TRIP4: variants seen among roughly 807,000 people sequenced by gnomAD.
TRIP4 encodes activating signal cointegrator 1.
In TRIP4, 54 loss-of-function variants were observed where a neutral mutation model predicts 81.8. The observed-to-expected ratio is 0.66, with a 90% confidence interval of 0.53 to 0.83. TRIP4 has a LOEUF of 0.83. Ranked by LOEUF, TRIP4 falls within the 40% of genes least tolerant of loss-of-function variation. TRIP4 has a pLI of 0.00. For missense variants in TRIP4, 662 were observed against 683.6 expected, an observed-to-expected ratio of 0.97 and a Z score of 0.35; for synonymous variants, 270 against 242.8, an observed-to-expected ratio of 1.11 and a Z score of -1.04.
At chr15:64,397,873 C>T in intron 4 of TRIP4, 55 bp downstream of exon 4, 1 of 1,542,912 alleles carries the variant, frequency 6.5e-7, no homozygotes, top group Non-Finnish European at 8.8e-7. Context: ...ATACGCAGAG[C>T]CAGTCAGATC....
At chr15:64,400,010 G>A (rs1046414445) in intron 4 of TRIP4, among the ~76,000 whole-genome samples, 4 of 150,222 alleles carry the variant, frequency 2.7e-5, no homozygotes, top group South Asian at 2.1e-4. Context: ...AAAAAATAAC[G>A]TACTCTCAAA....
chr15:64,409,540 G>T (rs1400553282), intron 6 of TRIP4, 73 bp from the exon 7 acceptor site: 1 of 1,422,866 alleles, frequency 7.0e-7, no homozygotes, highest in Admixed American at 1.8e-5. Flanking sequence ...AAGTTACCTT[G>T]AAACTGTTTT....
At chr15:64,411,940 C>T (rs1383266483) in intron 7 of TRIP4, among the ~76,000 whole-genome samples, 1 of 3,580 alleles carries the variant, frequency 2.8e-4, no homozygotes, top group African/African-American at 1.3e-3. Context: ...CTCGGCCTCC[C>T]AAAGTGCTGG....
intron 1 of TRIP4, among the ~76,000 whole-genome samples, chr15:64,392,075 G>C (rs1382374771): frequency 6.7e-6 from 1 of 150,240 alleles, no homozygotes; most frequent in African/African-American, 2.4e-5. Context: ...AGGACTTCGA[G>C]ACCAGCCTGG....
intron 6 of TRIP4, 58 bp from the exon 7 acceptor site, chr15:64,409,552 CAAT>C (rs1891713353): frequency 8.0e-6 from 12 of 1,500,086 alleles, no homozygotes; most frequent in Non-Finnish European, 1.0e-5. Context: ...AACTGTTTTC[CAAT>C]AATCGGTCCT....
chr15:64,445,099 C>G lies in TRIP4; in HGVS notation c.1669C>G (p.Pro557Ala). 1 of 1,586,244 alleles carries G rather than the reference C, an allele frequency of 6.3e-7. No individual in the cohort carries two copies. Among genetic ancestry groups the G allele is most frequent in the Non-Finnish European group, 8.6e-7 (1 of 1,161,328 alleles). ...MVVKFPIKGN[P>A]KIWKLDSKIH... is the part of the protein sequence containing the mutation. Reference sequence around the variant, plus strand: ...TGTGAAGTTTCCTATTAAAGGAAATCCAAAAATCTGTAAGTCATGATTTTT... The same window carrying G: ...TGTGAAGTTTCCTATTAAAGGAAATGCAAAAATCTGTAAGTCATGATTTTT... The change falls in exon 12 of 13, where the codon CCA (proline) becomes GCA (alanine). Residue 557 changes from proline to alanine, a missense_variant. Physicochemically the swap from Pro to Ala is conservative, Grantham distance 27 (BLOSUM62 -1). Transcript: ENST00000261884.
intron 11 of TRIP4, among the ~76,000 whole-genome samples, chr15:64,430,033 G>C (rs1052884799): frequency 5.9e-5 from 9 of 151,976 alleles, no homozygotes; most frequent in African/African-American, 2.2e-4. Context: ...TTTTGGCATA[G>C]TGTGATCATT....
At chr15:64,434,988 G>A (rs1892357643) in intron 11 of TRIP4, among the ~76,000 whole-genome samples, 1 of 151,690 alleles carries the variant, frequency 6.6e-6, no homozygotes, top group Admixed American at 6.6e-5. Flanking sequence ...GGCTCAGGTG[G>A]GCAGGTCACT....
intron 12 of TRIP4, among the ~76,000 whole-genome samples, chr15:64,449,639 GT>G (rs1892709965): frequency 6.6e-6 from 1 of 151,980 alleles, no homozygotes; most frequent in Non-Finnish European, 1.5e-5. Flanking sequence ...ACTTTGATTT[GT>G]TTGTTTTTGG....
At chr15:64,427,780 T>C (rs1252574305) in intron 11 of TRIP4, among the ~76,000 whole-genome samples, 6 of 152,234 alleles carry the variant, frequency 3.9e-5, no homozygotes, top group Non-Finnish European at 8.8e-5. Context: ...GTGAGTACAA[T>C]GCATGCATTT....
chr15:64,418,441 C>T (rs1891933994), intron 8 of TRIP4, 100 bp from the exon 9 acceptor site: 3 of 1,272,980 alleles, frequency 2.4e-6, no homozygotes, highest in Non-Finnish European at 3.2e-6. Flanking sequence ...AAAAATGTTC[C>T]CAATATGATT....
chr15:64,397,447 C>T (rs1900326472), intron 3 of TRIP4, among the ~76,000 whole-genome samples, 159 bp from the exon 4 acceptor site: 1 of 152,200 alleles, frequency 6.6e-6, no homozygotes, highest in South Asian at 2.1e-4. Context: ...TCCTCAGAAC[C>T]TTGATTATAA....
At chr15:64,436,311 C>T (rs1892396245) in intron 11 of TRIP4, among the ~76,000 whole-genome samples, 1 of 150,312 alleles carries the variant, frequency 6.7e-6, no homozygotes, top group African/African-American at 2.5e-5. Flanking sequence ...AAAAAAAAAT[C>T]AGCCAGGCAC....
intron 11 of TRIP4, among the ~76,000 whole-genome samples, chr15:64,440,999 T>A (rs559854271): frequency 1.3e-4 from 20 of 152,218 alleles, no homozygotes; most frequent in South Asian, 6.2e-4. Context: ...CATTTTTTTT[T>A]TTTTTATTTT....
At chr15:64,408,621 C>T (rs942290028) in intron 6 of TRIP4, among the ~76,000 whole-genome samples, 3 of 152,062 alleles carry the variant, frequency 2.0e-5, no homozygotes, top group African/African-American at 7.2e-5. Context: ...ATGAATCTAA[C>T]TTCAGTATTT....
rs796182931 is a variant in TRIP4 at position 64,408,249 on chromosome 15, A to AT, written c.828-1337dup. Among the ~76,000 whole-genome samples, 416 of 42,492 alleles carry AT rather than the reference A, an allele frequency of 9.8e-3. 26 individuals carry two copies. Among genetic ancestry groups the AT allele is most frequent in the African/African-American group, 0.019 (303 of 16,082 alleles). The allele number at this position is 42,492 out of a possible 152,430, so 27.9% of individuals were successfully genotyped here. ...CACCGTGCCTGGCCTAAGAAGACAA[A>AT]TTTTTTTTTTTTTTTTTTTTTTTTT... On this transcript the variant is annotated intron_variant, in intron 6 of 12. Transcript: ENST00000261884.
At chr15:64,425,652 T>G in intron 11 of TRIP4, 21 bp downstream of exon 11, 1 of 1,591,096 alleles carries the variant, frequency 6.3e-7, no homozygotes, top group Non-Finnish European at 8.6e-7. Context: ...AATACTTTTT[T>G]TTTTTAGAGA....
At chr15:64,427,793 G>C (rs1004340842) in intron 11 of TRIP4, among the ~76,000 whole-genome samples, 1 of 152,098 alleles carries the variant, frequency 6.6e-6, no homozygotes, top group African/African-American at 2.4e-5. Flanking sequence ...ATGCATTTTG[G>C]TGTGAATTTT....
Position 64,431,847 on chromosome 15 carries a change from A to ATATTT in TRIP4, c.1575+6217_1575+6218insATTTT. ...CCATTTATATTATATATATATATAT[A>ATATTT]TTTTTTTTATCCAAAGAGCATTGTG... On this transcript the variant is annotated intron_variant, in intron 11 of 12. Coordinates refer to ENST00000261884, the MANE Select transcript of TRIP4 (RefSeq NM_016213.5). 4.7e-4 allele frequency among the ~76,000 whole-genome samples: 56 copies of ATATTT among 119,550 alleles called. 1 individual carries two copies. The highest frequency in any genetic ancestry group is 4.6e-3 in the Middle Eastern group (1 of 218). The allele number at this position is 119,550 out of a possible 152,430, so 78.4% of individuals were successfully genotyped here. A position where few individuals can be genotyped will look rare whatever the true frequency, so the allele number is the denominator to read the frequency against.
Sources: allele counts gnomAD v4.1 joint callset (sites outside exome capture counted in the v4.1 genomes callset), GRCh38; gene constraint gnomAD v4.1.1; transcripts MANE v1.5; gene names NCBI Gene and HGNC (gene_info 2026-07-23, HGNC 2026-07-21).